CEP350: variants seen among roughly 807,000 people sequenced by gnomAD.
The protein encoded by CEP350 is centrosomal protein 350.
CEP350 carries 126 observed loss-of-function variants against 331.8 expected under a neutral mutation model. The observed-to-expected ratio is 0.38, with a 90% CI of 0.33 to 0.44. CEP350 has a LOEUF of 0.44. Ranked by LOEUF, CEP350 falls within the 20% of genes least tolerant of loss-of-function variation. The probability of loss-of-function intolerance (pLI) is 1.00; values close to 1 mark genes in which losing one functional copy is unlikely to be tolerated. For missense variants in CEP350, 3,406 were observed against 3,634.6 expected, an observed-to-expected ratio of 0.94 and a Z score of 1.62; for synonymous variants, 1,200 against 1,259.5, an observed-to-expected ratio of 0.95 and a Z score of 1.00.
chr1:179,983,019 G>A (rs552392758), intron 1 of CEP350, among the ~76,000 whole-genome samples: 24 of 152,018 alleles, frequency 1.6e-4, no homozygotes, highest in Non-Finnish European at 3.1e-4. Context: ...TTGATCTCTT[G>A]ACCTCATGAT....
At chr1:179,997,543 C>CA (rs1219449623) in intron 6 of CEP350, among the ~76,000 whole-genome samples, 12,557 of 80,912 alleles carry the variant, frequency 0.16, 628 homozygotes, top group Middle Eastern at 0.23. Flanking sequence ...GACTCGGTCT[C>CA]AAAAAAAAAA....
rs767627933 is a variant in CEP350 at position 180,041,730 on chromosome 1, A to T, written c.4290A>T (p.Ala1430=). The change falls in exon 19 of 38, where the codon GCA becomes GCT. Residue 1430 remains alanine (A), a synonymous_variant. Transcript: ENST00000367607. ...QREVTEVLQE[A]TCKIAAQQSE... ...AAGTAACTGAAGTCCTGCAGGAAGC[A>T]ACGTGTAAAATAGCAGCTCAGCAGT... 5 of 1,613,514 alleles carry T rather than the reference A, an allele frequency of 3.1e-6. No individual in the cohort carries two copies. Among genetic ancestry groups the T allele is most frequent in the Non-Finnish European group, 4.2e-6 (5 of 1,179,674 alleles).
At position 179,996,598 on chromosome 1, in the gene CEP350, A is replaced by G; in HGVS notation, c.441A>G (p.Glu147=). The G allele has an allele frequency of 6.3e-7, 1 of 1,594,440 alleles. No individual in the cohort carries two copies. The highest frequency in any genetic ancestry group is 8.5e-7 in the Non-Finnish European group (1 of 1,169,824). The part of the protein sequence containing the change: ...APSNFSSSHL[E]SKHVYCVDVN... ...CCAATTTCAGTTCCAGCCATCTGGA[A>G]TCAAAGCACGTATACTGTGTAGATG... The change falls in exon 6 of 38, where the codon GAA becomes GAG. Residue 147 remains glutamate (E), a synonymous_variant. Transcript: ENST00000367607.
chr1:180,103,448 C>T (rs952477718), intron 37 of CEP350, among the ~76,000 whole-genome samples: 1 of 152,096 alleles, frequency 6.6e-6, no homozygotes, highest in Non-Finnish European at 1.5e-5. Flanking sequence ...CAAGGACTTC[C>T]TTACCCTATC....
intron 3 of CEP350, 35 bp downstream of exon 3, chr1:179,987,321 G>T: frequency 1.6e-6 from 2 of 1,270,290 alleles, no homozygotes; most frequent in Admixed American, 2.0e-5. Context: ...TTTATTTCTG[G>T]ATTAAAATCA....
chr1:179,968,831 C>T, intron 1 of CEP350: 1 of 706,644 alleles, frequency 1.4e-6, no homozygotes, highest in Non-Finnish European at 2.6e-6. Context: ...CTGCTGGCAG[C>T]TCGTGCCATT....
intron 1 of CEP350, among the ~76,000 whole-genome samples, chr1:179,971,377 G>A (rs1242493402): frequency 6.6e-6 from 1 of 152,172 alleles, no homozygotes; most frequent in Admixed American, 6.5e-5. Flanking sequence ...AGGCTGGAGT[G>A]TAGTAGTGCA....
intron 6 of CEP350, among the ~76,000 whole-genome samples, chr1:180,000,058 C>T (rs1428034302): frequency 6.6e-6 from 1 of 151,814 alleles, no homozygotes; most frequent in African/African-American, 2.4e-5. Context: ...AGTAAGTGCA[C>T]AGTAAGTTTT....
intron 23 of CEP350, 74 bp downstream of exon 23, chr1:180,053,240 A>T: frequency 2.9e-6 from 2 of 698,300 alleles, no homozygotes; most frequent in East Asian, 3.2e-5. Context: ...AACATTTTGT[A>T]CTTATCTCAT....
chr1:180,014,600 C>A, intron 10 of CEP350, 95 bp downstream of exon 10: 2 of 1,123,468 alleles, frequency 1.8e-6, no homozygotes, highest in Admixed American at 3.0e-5. Context: ...TCCTAGTATG[C>A]TCAGATAATA....
intron 3 of CEP350, among the ~76,000 whole-genome samples, chr1:179,989,849 G>A (rs900920525): frequency 2.0e-5 from 3 of 152,162 alleles, no homozygotes; most frequent in South Asian, 2.1e-4. Context: ...TCATTTTTGC[G>A]TGTAAAATGC....
At chr1:180,083,514 G>A (rs1659688085) in intron 30 of CEP350, among the ~76,000 whole-genome samples, 1 of 151,086 alleles carries the variant, frequency 6.6e-6, no homozygotes, top group South Asian at 2.1e-4. Context: ...TCTTTTTAAT[G>A]TGGTATTAAG....
At chr1:180,028,147 G>T (rs1416640739) in intron 14 of CEP350, among the ~76,000 whole-genome samples, 1 of 152,098 alleles carries the variant, frequency 6.6e-6, no homozygotes, top group Non-Finnish European at 1.5e-5. Context: ...CCAGAAATTT[G>T]GGAAATTCTT....
chr1:180,087,713 C>T lies in CEP350; in HGVS notation c.6421C>T (p.His2141Tyr), dbSNP rs1279299640. The change falls in exon 32 of 38, where the codon CAC becomes TAC. Residue 2141 changes from histidine (H) to tyrosine (Y), a missense_variant. By Grantham distance (83) the His-to-Tyr change is moderately conservative. This residue lies in a region of CEP350 where 1,415 missense variants were observed against 1,512.3 expected (regional missense o/e 0.94). Transcript: ENST00000367607. ...CAAGATCAAACCCCTCACACCACTA[C>T]ACAGGTAGAAATTTTTGATAACTTG... The part of the protein sequence containing the change: ...KPKIKPLTPL[H>Y]RSETAKNWKS... The T allele has an allele frequency of 1.1e-5, 16 of 1,521,822 alleles. No homozygotes were observed. The highest frequency in any genetic ancestry group is 1.7e-4 in the Middle Eastern group (1 of 5,766). 94.3% of individuals were successfully genotyped at this position (1,521,822 alleles called of 1,614,324 possible). A position where few individuals can be genotyped will look rare whatever the true frequency, so the allele number is the denominator to read the frequency against.
intron 37 of CEP350, among the ~76,000 whole-genome samples, chr1:180,107,485 AT>A (rs1558165492): frequency 6.6e-6 from 1 of 152,190 alleles, no homozygotes; most frequent in Non-Finnish European, 1.5e-5. Context: ...CCTGGCCAAC[AT>A]GGTGAAACCC....
chr1:180,010,294 A>AT (rs1002744166), intron 8 of CEP350, among the ~76,000 whole-genome samples: 14 of 148,240 alleles, frequency 9.4e-5, no homozygotes, highest in African/African-American at 3.2e-4. Flanking sequence ...ATTTTCATCT[A>AT]TTTTTTTGTT....
intron 11 of CEP350, among the ~76,000 whole-genome samples, chr1:180,017,439 C>T (rs1655045002): frequency 6.6e-6 from 1 of 152,186 alleles, no homozygotes; most frequent in Non-Finnish European, 1.5e-5. Context: ...TCTAGTTCAT[C>T]TCAGTCCTAT....
Position 180,020,762 on chromosome 1 carries a change from A to C in CEP350, c.2988A>C (p.Glu996Asp). The C allele has an allele frequency of 6.2e-7, 1 of 1,614,050 alleles. No homozygotes were observed. Among genetic ancestry groups the C allele is most frequent in the Non-Finnish European group, 8.5e-7 (1 of 1,179,888 alleles). Residue 996 changes from glutamate (E) to aspartate (D), a missense_variant, in exon 12 of 38, where the codon GAA (glutamate) becomes GAC (aspartate). Coordinates refer to ENST00000367607, the MANE Select transcript of CEP350 (RefSeq NM_014810.5). ...TTAGTGAGGGGAGTCTCTCTGAAGAAGAGGGAGACCAGGATGGACAGCCCC... is the reference window on the plus strand; with the variant it reads ...TTAGTGAGGGGAGTCTCTCTGAAGACGAGGGAGACCAGGATGGACAGCCCC... ...PLLSEGSLSE[E>D]EGDQDGQPLL... is the part of the protein sequence containing the mutation.
chr1:179,958,958 ACTTTT>A (rs563096482), intron 1 of CEP350, among the ~76,000 whole-genome samples: 242 of 152,314 alleles, frequency 1.6e-3, no homozygotes, highest in Non-Finnish European at 2.9e-3. Flanking sequence ...GGAGTGGATG[ACTTTT>A]CTTTTTTACT....
Sources: allele counts gnomAD v4.1 joint callset (sites outside exome capture counted in the v4.1 genomes callset), GRCh38; gene constraint gnomAD v4.1.1; regional missense constraint gnomAD v4.1.1; transcripts MANE v1.5; gene names NCBI Gene and HGNC (gene_info 2026-07-23, HGNC 2026-07-21).